The following ATRNL1 variants were observed in gnomAD, a reference collection of about 807,000 sequenced individuals.
ATRNL1 encodes attractin like 1, also known as attractin-like protein 1.
Under a neutral mutation model 182.7 loss-of-function variants are expected in ATRNL1, and 95 were observed. The ratio of observed to expected loss-of-function variants is 0.52; its 90% confidence interval spans 0.44 to 0.62. The LOEUF (loss-of-function observed/expected upper bound fraction) is 0.62, where lower values mean the gene tolerates loss of function less well. ATRNL1 is among the 20% of genes least tolerant of loss of function. The pLI, the probability that ATRNL1 is intolerant of heterozygous loss-of-function variation, is 0.00. For synonymous variants in ATRNL1, 576 were observed against 568.3 expected (o/e 1.01, Z -0.19); for missense variants, 1,471 against 1,679.5 (o/e 0.88, Z 2.17).
intron 10 of ATRNL1, among the ~76,000 whole-genome samples, chr10:115,244,770 A>G (rs1260548834): frequency 6.6e-6 from 1 of 152,220 alleles, no homozygotes; most frequent in African/African-American, 2.4e-5. Flanking sequence ...ACTTTCTGGT[A>G]AAGATAACCT....
intron 26 of ATRNL1, among the ~76,000 whole-genome samples, chr10:115,644,673 TA>T (rs1555031617): frequency 6.6e-6 from 1 of 152,152 alleles, no homozygotes; most frequent in African/African-American, 2.4e-5. Flanking sequence ...ATTTAAGTAA[TA>T]AAAGGATATA....
At chr10:115,531,029 A>G (rs1207815561) in intron 25 of ATRNL1, among the ~76,000 whole-genome samples, 2 of 151,990 alleles carry the variant, frequency 1.3e-5, no homozygotes, top group African/African-American at 4.8e-5. Flanking sequence ...GTCTGTCATT[A>G]TTGGACATTT....
At chr10:115,172,317 G>A (rs1198976210) in intron 8 of ATRNL1, among the ~76,000 whole-genome samples, 1 of 151,830 alleles carries the variant, frequency 6.6e-6, no homozygotes, top group Non-Finnish European at 1.5e-5. Flanking sequence ...TACATCATCA[G>A]AATATATCAC....
chr10:115,832,303 G>T (rs996370200), intron 27 of ATRNL1, among the ~76,000 whole-genome samples: 1 of 152,142 alleles, frequency 6.6e-6, no homozygotes, highest in Non-Finnish European at 1.5e-5. Flanking sequence ...CCTCATCTTG[G>T]TCAGGAGCTG....
At chr10:115,316,106 C>T (rs1213044396) in intron 18 of ATRNL1, among the ~76,000 whole-genome samples, 2 of 152,112 alleles carry the variant, frequency 1.3e-5, no homozygotes, top group Non-Finnish European at 2.9e-5. Context: ...GTTTCTTCCC[C>T]TCACCCCCAG....
chr10:115,518,594 A>C (rs1170015443), intron 24 of ATRNL1, among the ~76,000 whole-genome samples: 3 of 152,042 alleles, frequency 2.0e-5, no homozygotes, highest in Non-Finnish European at 4.4e-5. Flanking sequence ...GGGAAAACTG[A>C]GAAATAGACT....
intron 26 of ATRNL1, among the ~76,000 whole-genome samples, chr10:115,578,070 T>C (rs1555005963): frequency 6.6e-6 from 1 of 151,922 alleles, no homozygotes; most frequent in African/African-American, 2.4e-5. Context: ...GATTTGTGTA[T>C]GTTAAAGCAA....
At chr10:115,397,476 C>T (rs1209741078) in intron 20 of ATRNL1, among the ~76,000 whole-genome samples, 3 of 151,722 alleles carry the variant, frequency 2.0e-5, no homozygotes, top group Non-Finnish European at 4.4e-5. Context: ...TTGTCTGTGT[C>T]CTTTACTAGA....
intron 19 of ATRNL1, among the ~76,000 whole-genome samples, chr10:115,343,612 C>T (rs1189770589): frequency 6.6e-6 from 1 of 152,164 alleles, no homozygotes; most frequent in Non-Finnish European, 1.5e-5. Context: ...ATCTCTGTTT[C>T]TCCAGGATTG....
chr10:115,844,320 G>C (rs567886918), intron 27 of ATRNL1, among the ~76,000 whole-genome samples: 1 of 152,158 alleles, frequency 6.6e-6, no homozygotes, highest in Non-Finnish European at 1.5e-5. Flanking sequence ...ACTCGCCATT[G>C]GAGAGGGCCA....
chr10:115,223,117 T>G (rs1231760033), intron 9 of ATRNL1, among the ~76,000 whole-genome samples: 4 of 152,016 alleles, frequency 2.6e-5, no homozygotes, highest in African/African-American at 4.8e-5. Flanking sequence ...CCATCTCCAC[T>G]AAAAATACAA....
intron 26 of ATRNL1, among the ~76,000 whole-genome samples, chr10:115,646,493 TC>T (rs1859623652): frequency 6.6e-6 from 1 of 152,156 alleles, no homozygotes; most frequent in African/African-American, 2.4e-5. Flanking sequence ...GGAGAAGGCA[TC>T]TGGTTCTTAA....
intron 27 of ATRNL1, among the ~76,000 whole-genome samples, chr10:115,766,003 T>C (rs12411613): frequency 0.19 from 28,507 of 152,162 alleles, 3,075 homozygotes; most frequent in South Asian, 0.3. Context: ...AAAGATCTTA[T>C]CATCATCTAA....
chr10:115,561,233 A>C (rs1454141237), intron 26 of ATRNL1, among the ~76,000 whole-genome samples: 2 of 152,222 alleles, frequency 1.3e-5, no homozygotes, highest in African/African-American at 4.8e-5. Flanking sequence ...ACACTTTTGC[A>C]TATCATATAT....
At chr10:115,368,180 C>A (rs1857168230) in intron 19 of ATRNL1, among the ~76,000 whole-genome samples, 1 of 152,216 alleles carries the variant, frequency 6.6e-6, no homozygotes, top group African/African-American at 2.4e-5. Context: ...CAGCGAGACT[C>A]CGTGGGCGTA....
At chr10:115,588,540 A>G (rs1855711165) in intron 26 of ATRNL1, among the ~76,000 whole-genome samples, 1 of 152,192 alleles carries the variant, frequency 6.6e-6, no homozygotes, top group Non-Finnish European at 1.5e-5. Flanking sequence ...TGTTTTAAGA[A>G]CCAAACCCTT....
At chr10:115,136,514 A>G (rs1845520885) in intron 5 of ATRNL1, among the ~76,000 whole-genome samples, 2 of 152,352 alleles carry the variant, frequency 1.3e-5, no homozygotes, top group African/African-American at 4.8e-5. Context: ...GGGTTTGGAC[A>G]AATGTATCAT....
intron 26 of ATRNL1, among the ~76,000 whole-genome samples, chr10:115,647,461 G>C (rs1413165082): frequency 1.3e-5 from 2 of 152,150 alleles, no homozygotes; most frequent in African/African-American, 4.8e-5. Context: ...TCCGGCACCT[G>C]TTGTTTCCTG....
chr10:115,587,923 AGGAG>A (rs782618618), intron 26 of ATRNL1, among the ~76,000 whole-genome samples: 127 of 139,246 alleles, frequency 9.1e-4, no homozygotes, highest in Non-Finnish European at 1.2e-3. Flanking sequence ...AGGAGAGGAG[AGGAG>A]TTTATTAATT....
Sources: allele counts gnomAD v4.1 joint callset (sites outside exome capture counted in the v4.1 genomes callset), GRCh38; gene constraint gnomAD v4.1.1; transcripts MANE v1.5; gene names NCBI Gene and HGNC (gene_info 2026-07-23, HGNC 2026-07-21).